The following STXBP5L variants were observed in gnomAD, a reference collection of about 807,000 sequenced individuals.
The protein encoded by STXBP5L is syntaxin-binding protein 5-like.
Under a neutral mutation model 144.5 loss-of-function variants are expected in STXBP5L, and 65 were observed. The ratio of observed to expected loss-of-function variants is 0.45; its 90% CI spans 0.37 to 0.55. STXBP5L has a LOEUF of 0.55. Ranked by LOEUF, STXBP5L falls within the 20% of genes least tolerant of loss-of-function variation. STXBP5L has a pLI of 0.00. For missense variants in STXBP5L, 1,298 were observed against 1,405.5 expected (o/e 0.92, Z 1.22); for synonymous variants, 505 against 469.6 (o/e 1.08, Z -0.97).
chr3:121,039,724 A>AT (rs1321345037), intron 3 of STXBP5L, among the ~76,000 whole-genome samples: 2 of 151,808 alleles, frequency 1.3e-5, no homozygotes, highest in African/African-American at 2.4e-5. Context: ...TTTAAAAAAA[A>AT]TTTTATCTCT....
chr3:121,164,331 C>T (rs552384455), intron 9 of STXBP5L, among the ~76,000 whole-genome samples: 1 of 152,132 alleles, frequency 6.6e-6, no homozygotes, highest in Non-Finnish European at 1.5e-5. Flanking sequence ...TGGCTGTTAT[C>T]AAAAAGAAAT....
At chr3:121,061,248 G>A (rs568631367) in intron 5 of STXBP5L, among the ~76,000 whole-genome samples, 22 of 152,178 alleles carry the variant, frequency 1.4e-4, no homozygotes, top group African/African-American at 5.3e-4. Flanking sequence ...TCACTCAGGA[G>A]CATGTTGTTC....
chr3:121,056,743 A>G (rs1948487045), intron 5 of STXBP5L, among the ~76,000 whole-genome samples: 2 of 152,060 alleles, frequency 1.3e-5, no homozygotes, highest in Non-Finnish European at 2.9e-5. Context: ...AAACAGTGTA[A>G]TTAATTTGTT....
chr3:121,086,382 A>G lies in STXBP5L; in HGVS notation c.471-28543A>G, dbSNP rs2042494802. ...TGATGGACTACATATAAAAGAGGAT[A>G]ATGAAGCTGAAAAATTTCTATTGCC... On this transcript the variant is annotated intron_variant, in intron 5 of 26. Transcript: ENST00000471454. 2.0e-5 allele frequency among the ~76,000 whole-genome samples: 3 copies of G among 152,146 alleles called. No homozygotes were observed. The South Asian group carries it at 6.2e-4, about 32-fold the overall frequency.
chr3:120,999,130 G>T (rs1328547057), intron 3 of STXBP5L, among the ~76,000 whole-genome samples: 4 of 152,124 alleles, frequency 2.6e-5, no homozygotes, highest in Admixed American at 2.6e-4. Context: ...TTGGCTCACT[G>T]CAACCTCTTC....
chr3:121,304,988 A>G (rs756833760), intron 19 of STXBP5L, among the ~76,000 whole-genome samples: 27 of 152,096 alleles, frequency 1.8e-4, no homozygotes, highest in Non-Finnish European at 1.9e-4. Flanking sequence ...GGAGTGAAAA[A>G]AAAGCATCAC....
intron 22 of STXBP5L, among the ~76,000 whole-genome samples, chr3:121,401,349 A>T (rs1002322040): frequency 6.6e-6 from 1 of 151,906 alleles, no homozygotes; most frequent in African/African-American, 2.4e-5. Context: ...TTCCTCAGGG[A>T]TCTAGTACTA....
chr3:121,417,576 G>A (rs564748667), intron 25 of STXBP5L, among the ~76,000 whole-genome samples: 24 of 152,032 alleles, frequency 1.6e-4, no homozygotes, highest in South Asian at 4.2e-4. Flanking sequence ...AGAGATTCTC[G>A]TGCCTCAGCC....
At chr3:121,349,722 T>A (rs2045187174) in intron 20 of STXBP5L, among the ~76,000 whole-genome samples, 1 of 152,112 alleles carries the variant, frequency 6.6e-6, no homozygotes, top group East Asian at 1.9e-4. Flanking sequence ...TGGTCTTCTT[T>A]GTCTCTTTAG....
chr3:121,165,365 T>C (rs1002066449), intron 9 of STXBP5L, among the ~76,000 whole-genome samples: 2 of 152,122 alleles, frequency 1.3e-5, no homozygotes, highest in Non-Finnish European at 2.9e-5. Flanking sequence ...CCCAGCACTA[T>C]GATGATATTA....
chr3:120,968,803 G>T (rs949928786), intron 3 of STXBP5L, among the ~76,000 whole-genome samples: 2 of 152,034 alleles, frequency 1.3e-5, no homozygotes, highest in African/African-American at 4.8e-5. Context: ...TATGATATTT[G>T]ATTCTTTATT....
intron 7 of STXBP5L, 78 bp downstream of exon 7, chr3:121,121,782 A>G: frequency 1.0e-6 from 1 of 990,588 alleles, no homozygotes; most frequent in Admixed American, 1.9e-5. Flanking sequence ...ATTATTTTAT[A>G]TCTAGTATCT....
intron 9 of STXBP5L, among the ~76,000 whole-genome samples, chr3:121,189,121 G>A (rs2108150061): frequency 6.6e-6 from 1 of 152,168 alleles, no homozygotes; most frequent in East Asian, 1.9e-4. Context: ...CTGGATATTA[G>A]CCCTTTGTCA....
rs2041659471 is a variant in STXBP5L at position 121,068,591 on chromosome 3, A to G, written c.470+23056A>G. 2.0e-5 allele frequency among the ~76,000 whole-genome samples: 3 copies of G among 152,074 alleles called. No individual in the cohort carries two copies. The South Asian group carries it at 6.2e-4, about 31-fold the overall frequency. On this transcript the variant is annotated intron_variant, in intron 5 of 26. Transcript: ENST00000471454. ...CATTTCTTTTACCACTTCTTTAATA[A>G]TGACAGCAACTTGCACTTTACCTCT...
chr3:121,100,774 C>T (rs1193403395), intron 5 of STXBP5L, among the ~76,000 whole-genome samples: 1 of 150,782 alleles, frequency 6.6e-6, no homozygotes, highest in South Asian at 2.1e-4. Flanking sequence ...ATTAAGACCC[C>T]AAAATCCACA....
At chr3:120,957,550 G>A (rs1025249518) in intron 3 of STXBP5L, among the ~76,000 whole-genome samples, 1 of 151,924 alleles carries the variant, frequency 6.6e-6, no homozygotes. Flanking sequence ...GATAATGCCG[G>A]CCTCATAGAT....
At chr3:121,011,353 C>G (rs941162111) in intron 3 of STXBP5L, among the ~76,000 whole-genome samples, 3 of 151,396 alleles carry the variant, frequency 2.0e-5, no homozygotes, top group Non-Finnish European at 4.4e-5. Context: ...TGGTTGTTGC[C>G]AGTACCTATT....
At chr3:120,940,452 T>C (rs1022247746) in intron 2 of STXBP5L, among the ~76,000 whole-genome samples, 4 of 151,864 alleles carry the variant, frequency 2.6e-5, no homozygotes, top group Admixed American at 2.0e-4. Context: ...CATTTGAGGC[T>C]GATATTAATT....
At chr3:121,050,209 C>T (rs747396605) in intron 5 of STXBP5L, among the ~76,000 whole-genome samples, 12 of 152,138 alleles carry the variant, frequency 7.9e-5, no homozygotes, top group Non-Finnish European at 1.6e-4. Flanking sequence ...TTACCCACTT[C>T]TACTCAGCTA....
Sources: gnomAD v4.1 joint callset for allele counts (sites outside exome capture counted in the v4.1 genomes callset) on GRCh38, gnomAD v4.1.1 for gene constraint, MANE v1.5 for transcripts, NCBI Gene and HGNC (gene_info 2026-07-23, HGNC 2026-07-21) for gene names.